EML6: variants seen among roughly 807,000 people sequenced by gnomAD.
EML6 encodes the protein EMAP like 6, also known as echinoderm microtubule-associated protein-like 6.
In EML6, 154 loss-of-function variants were observed where a neutral mutation model predicts 240.1. The ratio of observed to expected loss-of-function variants is 0.64; its 90% CI spans 0.56 to 0.73. EML6 has a LOEUF of 0.73. EML6 is among the 30% of genes least tolerant of loss of function. The probability of loss-of-function intolerance (pLI) is 0.00; values close to 1 mark genes in which losing one functional copy is unlikely to be tolerated. For missense variants in EML6, 2,964 were observed against 2,474.6 expected, an observed-to-expected ratio of 1.20 and a Z score of -4.20; for synonymous variants, 1,148 against 899.0, an observed-to-expected ratio of 1.28 and a Z score of -4.95.
At chr2:54,784,032 G>A (rs1350087020) in intron 2 of EML6, among the ~76,000 whole-genome samples, 1 of 151,900 alleles carries the variant, frequency 6.6e-6, no homozygotes, top group Non-Finnish European at 1.5e-5. Flanking sequence ...TGGTAGCCTC[G>A]AAATCCAGGG....
intron 2 of EML6, among the ~76,000 whole-genome samples, chr2:54,734,882 C>A (rs1382769689): frequency 2.0e-5 from 3 of 152,170 alleles, no homozygotes; most frequent in Non-Finnish European, 4.4e-5. Flanking sequence ...TCCTTATTGC[C>A]TGCATGATGA....
chr2:54,808,012 C>G (rs1176389074), intron 2 of EML6, among the ~76,000 whole-genome samples: 4 of 152,298 alleles, frequency 2.6e-5, no homozygotes, highest in East Asian at 3.9e-4. Flanking sequence ...ACTCATCAAG[C>G]TTGTTAAAGT....
intron 1 of EML6, among the ~76,000 whole-genome samples, chr2:54,723,994 C>T (rs997482643): frequency 6.6e-6 from 1 of 152,238 alleles, no homozygotes; most frequent in African/African-American, 2.4e-5. Flanking sequence ...GGGCTCAGGG[C>T]AGGACCCGGG....
At chr2:54,838,535 G>A (rs969674773) in intron 7 of EML6, among the ~76,000 whole-genome samples, 1 of 152,160 alleles carries the variant, frequency 6.6e-6, no homozygotes, top group Non-Finnish European at 1.5e-5. Context: ...AATAAGCAAT[G>A]TCCCTTAGTA....
At chr2:54,794,961 C>T (rs746734038) in intron 2 of EML6, among the ~76,000 whole-genome samples, 2 of 152,162 alleles carry the variant, frequency 1.3e-5, no homozygotes, top group African/African-American at 2.4e-5. Flanking sequence ...AATTCACTGA[C>T]CACACTAGGT....
At chr2:54,966,943 G>A in intron 38 of EML6, 57 bp from the exon 39 acceptor site, 1 of 1,130,682 alleles carries the variant, frequency 8.8e-7, no homozygotes. Flanking sequence ...GTGCCCAAAG[G>A]GAGTCTGTGG....
chr2:54,921,709 G>A (rs1472470157), intron 26 of EML6, among the ~76,000 whole-genome samples: 2 of 152,002 alleles, frequency 1.3e-5, no homozygotes, highest in African/African-American at 2.4e-5. Context: ...TAATCAAAAT[G>A]TATGGTACTG....
chr2:54,843,562 G>A (rs1669575764), intron 7 of EML6, among the ~76,000 whole-genome samples: 1 of 151,986 alleles, frequency 6.6e-6, no homozygotes, highest in South Asian at 2.1e-4. Context: ...AACACAGAAT[G>A]GGCTGGGCGT....
At chr2:54,758,326 T>A in intron 2 of EML6, among the ~76,000 whole-genome samples, 1 of 152,188 alleles carries the variant, frequency 6.6e-6, no homozygotes, top group Admixed American at 6.5e-5. Flanking sequence ...CTATTTCTGG[T>A]GGGAGTCCTG....
rs551803722 is a variant in EML6 at position 54,843,624 on chromosome 2, C to A, written c.848-423C>A. Among the ~76,000 whole-genome samples, 3 of 152,096 alleles carry A rather than the reference C, an allele frequency of 2.0e-5. No individual in the cohort carries two copies. The East Asian group carries it at 5.8e-4, about 29-fold the overall frequency. ...CTTTGGGAGTCCGAGGCGGGCGGATCACGAGGTCAGGAGATCGAGACCATC... is the reference window on the plus strand; with the variant it reads ...CTTTGGGAGTCCGAGGCGGGCGGATAACGAGGTCAGGAGATCGAGACCATC... On this transcript the variant is annotated intron_variant, in intron 7 of 41. Transcript: ENST00000356458.
intron 17 of EML6, chr2:54,880,802 T>C (rs1671771314): frequency 6.6e-6 from 1 of 152,200 alleles, no homozygotes; most frequent in South Asian, 2.1e-4. Flanking sequence ...TTTCTGATAA[T>C]ATACCATCTG....
At chr2:54,862,562 C>G (rs951624440) in intron 12 of EML6, among the ~76,000 whole-genome samples, 1 of 151,774 alleles carries the variant, frequency 6.6e-6, no homozygotes, top group African/African-American at 2.4e-5. Context: ...GTGTTACCAA[C>G]ATGCCAAAAA....
At chr2:54,912,073 A>T (rs765036079) in intron 25 of EML6, among the ~76,000 whole-genome samples, 1 of 152,248 alleles carries the variant, frequency 6.6e-6, no homozygotes, top group Non-Finnish European at 1.5e-5. Context: ...TCAGTTTGCC[A>T]GTATCTTAAA....
chr2:54,808,229 C>G (rs568225538), intron 2 of EML6, among the ~76,000 whole-genome samples: 1 of 152,362 alleles, frequency 6.6e-6, no homozygotes, highest in Admixed American at 6.5e-5. Context: ...CTAAGCGCAT[C>G]TCTTGGGACC....
At chr2:54,753,834 G>C (rs1684281321) in intron 2 of EML6, among the ~76,000 whole-genome samples, 2 of 151,764 alleles carry the variant, frequency 1.3e-5, no homozygotes, top group African/African-American at 4.8e-5. Context: ...ACCATGTCTG[G>C]CTAATTAAAA....
chr2:54,795,681 G>A (rs974152182), intron 2 of EML6, among the ~76,000 whole-genome samples: 3 of 152,274 alleles, frequency 2.0e-5, no homozygotes, highest in Middle Eastern at 6.8e-3. Context: ...CATGCACTGC[G>A]CTGCCCCGAT....
intron 2 of EML6, among the ~76,000 whole-genome samples, chr2:54,795,309 G>A (rs1250240019): frequency 6.6e-6 from 1 of 152,188 alleles, no homozygotes; most frequent in Non-Finnish European, 1.5e-5. Flanking sequence ...GAGAGCATGT[G>A]TGAATGAGGT....
At chr2:54,810,042 C>T (rs1667755389) in intron 2 of EML6, among the ~76,000 whole-genome samples, 1 of 152,164 alleles carries the variant, frequency 6.6e-6, no homozygotes. Flanking sequence ...CATTATGAGT[C>T]ACTCTAAGCA....
chr2:54,886,953 C>T (rs1226799625), intron 17 of EML6, among the ~76,000 whole-genome samples: 1 of 152,128 alleles, frequency 6.6e-6, no homozygotes, highest in African/African-American at 2.4e-5. Context: ...TTCCCAGATG[C>T]AAGCAATAGG....
Sources: gnomAD v4.1 joint callset for allele counts (sites outside exome capture counted in the v4.1 genomes callset) on GRCh38, gnomAD v4.1.1 for gene constraint, MANE v1.5 for transcripts, NCBI Gene and HGNC (gene_info 2026-07-23, HGNC 2026-07-21) for gene names.